The following SHANK2 variants were observed in gnomAD, a reference collection of about 807,000 sequenced individuals.
SHANK2 encodes the protein SH3 and multiple ankyrin repeat domains protein 2.
SHANK2 carries 43 observed loss-of-function variants against 133.7 expected under a neutral mutation model. The ratio of observed to expected loss-of-function variants is 0.32; its 90% CI spans 0.25 to 0.41. The LOEUF (loss-of-function observed/expected upper bound fraction) is 0.41. Ranked by LOEUF, SHANK2 falls within the 10% of genes least tolerant of loss-of-function variation. The pLI, the probability that SHANK2 is intolerant of heterozygous loss-of-function variation, is 1.00. For synonymous variants in SHANK2, 1,017 were observed against 952.8 expected, an observed-to-expected ratio of 1.07 and a Z score of -1.24; for missense variants, 1,994 against 2,235.8, an observed-to-expected ratio of 0.89 and a Z score of 2.18.
chr11:70,622,798 G>A (rs1393833909), intron 17 of SHANK2, among the ~76,000 whole-genome samples: 9 of 152,026 alleles, frequency 5.9e-5, no homozygotes, highest in Non-Finnish European at 1.0e-4. Flanking sequence ...GTCTCCGAAC[G>A]GAAGTCAAAC....
At chr11:70,703,756 C>T (rs898343857) in intron 14 of SHANK2, among the ~76,000 whole-genome samples, 1 of 152,216 alleles carries the variant, frequency 6.6e-6, no homozygotes, top group African/African-American at 2.4e-5. Flanking sequence ...GGTGCCGGGG[C>T]CCGAGGTCAA....
intron 25 of SHANK2, among the ~76,000 whole-genome samples, chr11:70,484,096 C>G (rs1214171636): frequency 6.6e-6 from 1 of 152,182 alleles, no homozygotes; most frequent in East Asian, 1.9e-4. Context: ...GAAGATGCTG[C>G]CACCTGGGGA....
rs150719826 is a variant in SHANK2 at position 70,593,580 on chromosome 11, G to C, written c.2061+66248C>G. 4.2e-3 allele frequency among the ~76,000 whole-genome samples: 634 copies of C among 152,256 alleles called. 10 individuals carry two copies. The highest frequency in any genetic ancestry group is 0.015 in the African/African-American group (614 of 41,548). On this transcript the variant is annotated intron_variant, in intron 17 of 25. Coordinates refer to ENST00000601538, the MANE Select transcript of SHANK2 (RefSeq NM_012309.5). Reference sequence around the variant, plus strand: ...CAGAAAATACTAGAGTGGCAGGAAGGCACCTCCCACACCTACAACACCCCC... The same window carrying C: ...CAGAAAATACTAGAGTGGCAGGAAGCCACCTCCCACACCTACAACACCCCC...
In SHANK2 at chr11:71,175,203, G is replaced by A. The variant is rs147787392; in HGVS notation, c.-12-27865C>T. ...CCATCGTCTTCGCCAGTGCTTCCTC[G>A]GCACCTAGTCCAACTCAGCACAAGT... On this transcript the variant is annotated intron_variant, in intron 2 of 25. Transcript: ENST00000601538. This position sits in a 1 kb window ranked among gnomAD's most constrained non-coding sequence, Gnocchi z 4.2. Among the ~76,000 whole-genome samples the A allele has an allele frequency of 4.4e-3, 670 of 152,198 alleles. 5 individuals carry two copies. Among genetic ancestry groups the A allele is most frequent in the Middle Eastern group, 6.8e-3 (2 of 294 alleles).
chr11:70,512,107 A>T (rs915113040), intron 17 of SHANK2, among the ~76,000 whole-genome samples: 1 of 152,218 alleles, frequency 6.6e-6, no homozygotes, highest in Non-Finnish European at 1.5e-5. Flanking sequence ...GACTTGGCTC[A>T]GAGTTTGTGA....
intron 11 of SHANK2, among the ~76,000 whole-genome samples, chr11:70,821,673 T>G (rs55708000): frequency 0.017 from 2,653 of 152,286 alleles, 33 homozygotes; most frequent in Non-Finnish European, 0.027. Context: ...TCCGCCTGCC[T>G]CAGCCACCCA....
intron 17 of SHANK2, among the ~76,000 whole-genome samples, chr11:70,523,577 C>A (rs947519765): frequency 6.6e-6 from 1 of 152,138 alleles, no homozygotes; most frequent in Non-Finnish European, 1.5e-5. Context: ...TACTGCAGCC[C>A]GGCTTTCCCA....
At position 70,469,356 on chromosome 11, in the gene SHANK2, C is replaced by T. The variant is rs1478438972; in HGVS notation, c.*3513G>A. 1 of 152,620 alleles carries T rather than the reference C, an allele frequency of 6.6e-6. No individual in the cohort carries two copies. Among genetic ancestry groups the T allele is most frequent in the Admixed American group, 6.5e-5 (1 of 15,278 alleles). 9.5% of individuals were successfully genotyped at this position (152,620 alleles called of 1,614,324 possible). On this transcript the variant is annotated 3_prime_UTR_variant, in exon 26 of 26. Coordinates refer to ENST00000601538, the MANE Select transcript of SHANK2 (RefSeq NM_012309.5). Reference sequence around the variant, plus strand: ...TGGCCACAATGCCTGAGATAATCTACATTAGATTGCAAGTCGGGCAGCTTT... The same window carrying T: ...TGGCCACAATGCCTGAGATAATCTATATTAGATTGCAAGTCGGGCAGCTTT...
intron 2 of SHANK2, among the ~76,000 whole-genome samples, chr11:71,177,178 A>G (rs7941351): frequency 0.93 from 141,409 of 152,184 alleles, 66,177 homozygotes; most frequent in Non-Finnish European, 0.98. Flanking sequence ...AAATGTTAAT[A>G]GAAATTCTTG....
intron 17 of SHANK2, among the ~76,000 whole-genome samples, chr11:70,534,990 G>A (rs1368526970): frequency 6.6e-6 from 1 of 152,196 alleles, no homozygotes. Context: ...ACTGACAAAG[G>A]AGCCATGGCT....
At position 70,642,628 on chromosome 11, in the gene SHANK2, C is replaced by T. The variant is rs2061199710; in HGVS notation, c.2061+17200G>A. On this transcript the variant is annotated intron_variant, in intron 17 of 25. Transcript: ENST00000601538. ...GACACAGAGGCCGGGCTGCCACTTCCATCCTTCCCCTGACACCTCCCGTCA... is the reference window on the plus strand; with the variant it reads ...GACACAGAGGCCGGGCTGCCACTTCTATCCTTCCCCTGACACCTCCCGTCA... Among the ~76,000 whole-genome samples the T allele has an allele frequency of 2.0e-5, 3 of 152,212 alleles. No homozygotes were observed. In the South Asian group the frequency reaches 6.2e-4, roughly 32 times the overall value.
chr11:70,725,929 G>A (rs959463312), intron 14 of SHANK2, among the ~76,000 whole-genome samples: 3 of 152,176 alleles, frequency 2.0e-5, no homozygotes, highest in Non-Finnish European at 4.4e-5. Flanking sequence ...TGTTCTAACT[G>A]CTCTGCCTGA....
intron 10 of SHANK2, among the ~76,000 whole-genome samples, chr11:70,928,932 T>G (rs1379273539): frequency 6.6e-6 from 1 of 151,934 alleles, no homozygotes; most frequent in Non-Finnish European, 1.5e-5. Context: ...AGGGTGGGGC[T>G]GGCAGAGTCA....
intron 14 of SHANK2, among the ~76,000 whole-genome samples, chr11:70,784,833 C>A (rs1325779230): frequency 1.3e-5 from 2 of 152,152 alleles, no homozygotes; most frequent in African/African-American, 4.8e-5. Flanking sequence ...GGGGCCAGGG[C>A]CCACGCTCCA....
chr11:70,561,757 A>G (rs1554980936), intron 17 of SHANK2, among the ~76,000 whole-genome samples: 1 of 151,314 alleles, frequency 6.6e-6, no homozygotes, highest in African/African-American at 2.4e-5. Context: ...CTGGTCTTGA[A>G]CTCCTTGCCT....
chr11:71,221,624 C>T (rs782394317), intron 2 of SHANK2, among the ~76,000 whole-genome samples: 2 of 152,198 alleles, frequency 1.3e-5, no homozygotes, highest in Non-Finnish European at 2.9e-5. Flanking sequence ...GTGTCTTCAA[C>T]AGTCAATGAG....
intron 14 of SHANK2, among the ~76,000 whole-genome samples, chr11:70,757,969 G>C (rs1291220702): frequency 6.6e-6 from 1 of 152,180 alleles, no homozygotes; most frequent in Non-Finnish European, 1.5e-5. Context: ...CTGGAGGTGA[G>C]AGACAGAACT....
Position 70,487,791 on chromosome 11 carries a change from T to C in SHANK2, c.2573-71A>G, listed in dbSNP as rs1221344104. 1 of 1,549,366 alleles carries C rather than the reference T, an allele frequency of 6.5e-7. No homozygotes were observed. Among genetic ancestry groups the C allele is most frequent in the Non-Finnish European group, 8.7e-7 (1 of 1,146,942 alleles). On this transcript the variant is annotated intron_variant, in intron 24 of 25. Coordinates refer to ENST00000601538, the MANE Select transcript of SHANK2 (RefSeq NM_012309.5). The surrounding 1 kb of genome is among the most constrained non-coding windows in gnomAD (Gnocchi z 5.8). ...AGCCTAAGTTCCTAGGAACGTGCGA[T>C]ACGCTACATCTCCACAAACTCACAA...
chr11:70,700,350 C>T (rs944421786), intron 14 of SHANK2, among the ~76,000 whole-genome samples: 2 of 152,204 alleles, frequency 1.3e-5, no homozygotes, highest in African/African-American at 2.4e-5. Flanking sequence ...GGGCACACTC[C>T]ACTTCGCAGG....
Sources: gnomAD v4.1 joint callset for allele counts (sites outside exome capture counted in the v4.1 genomes callset) on GRCh38, gnomAD v4.1.1 for gene constraint, Gnocchi (gnomAD v3.1) non-coding constraint, MANE v1.5 for transcripts, NCBI Gene and HGNC (gene_info 2026-07-23, HGNC 2026-07-21) for gene names.